The following PRKCB variants were observed in gnomAD, a reference collection of about 807,000 sequenced individuals.
PRKCB encodes the protein protein kinase C beta, also known as protein kinase C beta type.
A neutral mutation model predicts 81.5 loss-of-function variants in PRKCB; 13 were observed. The ratio of observed to expected loss-of-function variants is 0.16; its 90% CI spans 0.10 to 0.25. The LOEUF is 0.25. Among genes scored for constraint, PRKCB ranks in the 10% least tolerant of loss-of-function variants. The probability of loss-of-function intolerance (pLI) is 1.00; values close to 1 mark genes in which losing one functional copy is unlikely to be tolerated. For synonymous variants in PRKCB, 335 were observed against 321.4 expected, an observed-to-expected ratio of 1.04 and a Z score of -0.45; for missense variants, 509 against 875.7, an observed-to-expected ratio of 0.58 and a Z score of 5.29.
intron 2 of PRKCB, among the ~76,000 whole-genome samples, chr16:23,872,723 A>G: frequency 6.6e-6 from 1 of 152,066 alleles, no homozygotes. Flanking sequence ...TGTCAGGAAA[A>G]CTAAATTTTG....
intron 2 of PRKCB, among the ~76,000 whole-genome samples, chr16:23,964,654 G>A (rs1479602812): frequency 6.6e-6 from 1 of 151,656 alleles, no homozygotes; most frequent in Non-Finnish European, 1.5e-5. Context: ...GTCACTTCCA[G>A]GGGGCAAACA....
intron 2 of PRKCB, among the ~76,000 whole-genome samples, chr16:23,891,019 G>GTATATATATAA (rs1491107508): frequency 0.1 from 12,475 of 119,896 alleles, 535 homozygotes; most frequent in Middle Eastern, 0.19. Flanking sequence ...GTGTGTGTGT[G>GTATATATATAA]TGTATATATA....
chr16:23,886,406 G>GTTTTTTTGTTTTTTTTTGTTTT (rs1963201713), intron 2 of PRKCB, among the ~76,000 whole-genome samples: 2 of 70,222 alleles, frequency 2.8e-5, no homozygotes, highest in African/African-American at 1.3e-4. Flanking sequence ...TGTGTTAGGT[G>GTTTTTTTGTTTTTTTTTGTTTT]TTTTTTTTTT....
intron 2 of PRKCB, among the ~76,000 whole-genome samples, chr16:23,924,435 A>G (rs1002055321): frequency 1.3e-5 from 2 of 152,010 alleles, no homozygotes; most frequent in African/African-American, 4.8e-5. Context: ...CAAGTATCAT[A>G]TTGCTGTGTA....
chr16:24,120,073 T>G (rs1966781483), intron 8 of PRKCB, among the ~76,000 whole-genome samples: 1 of 152,152 alleles, frequency 6.6e-6, no homozygotes, highest in African/African-American at 2.4e-5. Flanking sequence ...AAGAACATTT[T>G]GATGAGTGAA....
Position 24,201,806 on chromosome 16 carries a change from C to T in PRKCB, c.1863+10576C>T, listed in dbSNP as rs143262255. Among the ~76,000 whole-genome samples, 2,117 of 152,170 alleles carry T rather than the reference C, an allele frequency of 0.014. 127 individuals carry two copies. The East Asian group carries it at 0.18, about 13-fold the overall frequency. ...ATCCCAGCACTTTGGGAGGCTGAGGCGGGTGGATCATGAGGTCAGGAGATC... is the reference window on the plus strand; with the variant it reads ...ATCCCAGCACTTTGGGAGGCTGAGGTGGGTGGATCATGAGGTCAGGAGATC... On this transcript the variant is annotated intron_variant, in intron 16 of 16. Transcript: ENST00000643927.
In PRKCB at chr16:24,154,700, G is replaced by T; in HGVS notation, c.1082G>T (p.Arg361Leu). 1 of 1,614,088 alleles carries T rather than the reference G, an allele frequency of 6.2e-7. No homozygotes were observed. Among genetic ancestry groups the T allele is most frequent in the Non-Finnish European group, 8.5e-7 (1 of 1,179,962 alleles). The change falls in exon 10 of 17, where the codon CGA becomes CTA. Residue 361 changes from arginine to leucine, a missense_variant. Arg to Leu is a moderately radical substitution (Grantham distance 102). Around this residue, in one of 6 missense-constraint regions of PRKCB, gnomAD observed 80 missense variants for 89.4 expected, o/e 0.90. Transcript: ENST00000643927. ...CTTTCCCAGGTCATGCTTTCAGAAC[G>T]AAAAGGCACAGATGAGCTCTATGCT... ...GSFGKVMLSERKGTDELYAVK... is the reference protein window; with the variant it reads ...GSFGKVMLSELKGTDELYAVK...
intron 2 of PRKCB, among the ~76,000 whole-genome samples, chr16:23,980,891 G>A (rs1964690935): frequency 6.6e-6 from 1 of 151,928 alleles, no homozygotes; most frequent in South Asian, 2.1e-4. Flanking sequence ...TTGGGAGTTA[G>A]GGGTGAAGTG....
chr16:23,871,880 T>C (rs918176555), intron 2 of PRKCB, among the ~76,000 whole-genome samples: 1 of 139,192 alleles, frequency 7.2e-6, no homozygotes, highest in Non-Finnish European at 1.6e-5. Flanking sequence ...TTTTTTTTTT[T>C]AAATCTTTTC....
At chr16:23,982,460 G>T (rs1034387106) in intron 2 of PRKCB, among the ~76,000 whole-genome samples, 2 of 149,300 alleles carry the variant, frequency 1.3e-5, no homozygotes, top group African/African-American at 5.0e-5. Flanking sequence ...TCATTCTGTT[G>T]CCCAGGCTGG....
At chr16:24,052,641 T>C (rs1965856772) in intron 5 of PRKCB, among the ~76,000 whole-genome samples, 1 of 152,198 alleles carries the variant, frequency 6.6e-6, no homozygotes, top group Non-Finnish European at 1.5e-5. Flanking sequence ...GACGTTGCCA[T>C]GACGATTGTA....
intron 9 of PRKCB, among the ~76,000 whole-genome samples, chr16:24,135,458 G>A (rs1966861854): frequency 6.6e-6 from 1 of 151,570 alleles, no homozygotes; most frequent in Admixed American, 6.6e-5. Flanking sequence ...GATTACAAAC[G>A]CCTGCCACCA....
chr16:23,980,165 C>G (rs1964675620), intron 2 of PRKCB, among the ~76,000 whole-genome samples: 1 of 152,232 alleles, frequency 6.6e-6, no homozygotes, highest in South Asian at 2.1e-4. Flanking sequence ...TATGAAAGCC[C>G]TTTGCAAACT....
chr16:24,184,478 GA>G (rs1011223956), intron 13 of PRKCB, among the ~76,000 whole-genome samples: 8 of 151,148 alleles, frequency 5.3e-5, no homozygotes, highest in African/African-American at 1.9e-4. Flanking sequence ...AAGAAAAAAA[GA>G]AAAAAAATCG....
At chr16:24,168,873 AT>A (rs970240271) in intron 10 of PRKCB, among the ~76,000 whole-genome samples, 100 of 149,408 alleles carry the variant, frequency 6.7e-4, no homozygotes, top group Admixed American at 7.3e-4. Flanking sequence ...TTTTTCTATT[AT>A]TTTTTTTTAA....
intron 12 of PRKCB, among the ~76,000 whole-genome samples, chr16:24,179,917 G>A (rs1326752214): frequency 7.2e-5 from 11 of 152,062 alleles, no homozygotes; most frequent in Admixed American, 5.9e-4. Flanking sequence ...CTGGCTCCAG[G>A]CATAGTGCCT....
Position 24,050,295 on chromosome 16 carries a change from C to T in PRKCB, c.529+14748C>T, listed in dbSNP as rs945532961. ...GAGTATGCCATCATTGATGTCAACC[C>T]GGAACTCTTCCTAGACAACACTCCA... On this transcript the variant is annotated intron_variant, in intron 5 of 16. Transcript: ENST00000643927. 5.3e-5 allele frequency among the ~76,000 whole-genome samples: 8 copies of T among 152,246 alleles called. No individual in the cohort carries two copies. In the South Asian group the frequency reaches 8.3e-4, roughly 16 times the overall value.
chr16:23,838,728 G>A (rs908077741), intron 2 of PRKCB, among the ~76,000 whole-genome samples: 3 of 152,202 alleles, frequency 2.0e-5, no homozygotes, highest in Admixed American at 2.0e-4. Flanking sequence ...CAGAATGTTT[G>A]CTTGCTGGCA....
chr16:23,955,138 C>G (rs951149740), intron 2 of PRKCB, among the ~76,000 whole-genome samples: 2 of 152,006 alleles, frequency 1.3e-5, no homozygotes, highest in East Asian at 3.9e-4. Flanking sequence ...ACGACAATCA[C>G]TTGAATCTGG....
Sources: allele counts gnomAD v4.1 joint callset (sites outside exome capture counted in the v4.1 genomes callset), GRCh38; gene constraint gnomAD v4.1.1; regional missense constraint gnomAD v4.1.1; transcripts MANE v1.5; gene names NCBI Gene and HGNC (gene_info 2026-07-23, HGNC 2026-07-21).